CNTN2: variants seen among roughly 807,000 people sequenced by gnomAD.
The protein encoded by CNTN2 is contactin-2.
Under a neutral mutation model 117.5 loss-of-function variants are expected in CNTN2, and 53 were observed. The ratio of observed to expected loss-of-function variants is 0.45; its 90% CI spans 0.36 to 0.57. CNTN2 has a LOEUF of 0.57. Ranked by LOEUF, CNTN2 falls within the 20% of genes least tolerant of loss-of-function variation. The probability of loss-of-function intolerance (pLI) is 0.00; values close to 1 mark genes in which losing one functional copy is unlikely to be tolerated. For missense variants in CNTN2, 1,106 were observed against 1,404.3 expected, an observed-to-expected ratio of 0.79 and a Z score of 3.39; for synonymous variants, 530 against 561.7, an observed-to-expected ratio of 0.94 and a Z score of 0.80.
upstream of CNTN2, chr1:205,043,052 G>A (rs2096434587): frequency 2.0e-5 from 3 of 151,894 alleles, no homozygotes; most frequent in African/African-American, 7.3e-5. Flanking sequence ...GGTAAAGCCA[G>A]GAGGGTGGGG....
Position 205,073,262 on chromosome 1 carries a change from C to A in CNTN2, c.3013+26C>A. On this transcript the variant is annotated intron_variant, in intron 22 of 22. Transcript: ENST00000331830. The surrounding 1 kb of genome is among the most constrained non-coding windows in gnomAD (Gnocchi z 6.3). Reference sequence around the variant, plus strand: ...GTGCTGCTCCTCCCCTACCCTTATCCCCTCGAGAGATTCAGGATCCACCCA... The same window carrying A: ...GTGCTGCTCCTCCCCTACCCTTATCACCTCGAGAGATTCAGGATCCACCCA... 1 of 1,609,610 alleles carries A rather than the reference C, an allele frequency of 6.2e-7. No homozygotes were observed. The highest frequency in any genetic ancestry group is 8.5e-7 in the Non-Finnish European group (1 of 1,177,104).
intron 1 of CNTN2, among the ~76,000 whole-genome samples, chr1:205,045,100 C>T (rs1333559696): frequency 1.3e-5 from 2 of 152,070 alleles, no homozygotes; most frequent in African/African-American, 2.4e-5. Context: ...GTGCAGAGAC[C>T]ACTGTGCTCA....
In CNTN2 at chr1:205,067,250, G is replaced by A. The variant is rs774505256; in HGVS notation, c.2125G>A (p.Ala709Thr). 1 of 1,612,048 alleles carries A rather than the reference G, an allele frequency of 6.2e-7. No homozygotes were observed. The highest frequency in any genetic ancestry group is 1.3e-5 in the African/African-American group (1 of 74,984). Reference protein sequence around the residue: ...PSSKIRTREAAPSVAPSGLSG... With the variant: ...PSSKIRTREATPSVAPSGLSG... ...CAGCAAAATCCGGACCAGGGAAGCA[G>A]GTGAGAGTCCTGTGTGTCCCAAAAA... Residue 709 changes from alanine to threonine, a missense_variant and splice_region_variant, in exon 16 of 23, where the codon GCC becomes ACC. Transcript: ENST00000331830.
intron 1 of CNTN2, among the ~76,000 whole-genome samples, chr1:205,049,525 G>A (rs905017127): frequency 6.6e-6 from 1 of 152,146 alleles, no homozygotes; most frequent in Non-Finnish European, 1.5e-5. Flanking sequence ...CAACACTGCT[G>A]TGGGAGCTAG....
In CNTN2 at chr1:205,074,593, G is replaced by A; in HGVS notation, c.*828G>A. 2.5e-6 allele frequency: 1 copy of A among 398,828 alleles called. No individual in the cohort carries two copies. The highest frequency in any genetic ancestry group is 4.4e-6 in the Non-Finnish European group (1 of 226,122). 24.7% of individuals were successfully genotyped at this position (398,828 alleles called of 1,614,324 possible). A position where few individuals can be genotyped will look rare whatever the true frequency, so the allele number is the denominator to read the frequency against. Reference sequence around the variant, plus strand: ...AGGTGGCTGGGTGACTAAAGGGCTTGTCTTGGTGGGGTCTCCCACCCCTCC... The same window carrying A: ...AGGTGGCTGGGTGACTAAAGGGCTTATCTTGGTGGGGTCTCCCACCCCTCC... On this transcript the variant is annotated 3_prime_UTR_variant, in exon 23 of 23. Coordinates refer to ENST00000331830, the MANE Select transcript of CNTN2 (RefSeq NM_005076.5).
rs368353579 is a variant in CNTN2 at position 205,058,353 on chromosome 1, G to A, written c.388G>A (p.Gly130Ser). 206 of 1,526,836 alleles carry A rather than the reference G, an allele frequency of 1.3e-4. No individual in the cohort carries two copies. Among genetic ancestry groups the A allele is most frequent in the East Asian group, 3.4e-4 (15 of 44,028 alleles). The allele number at this position is 1,526,836 out of a possible 1,614,324, so 94.6% of individuals were successfully genotyped here. A position where few individuals can be genotyped will look rare whatever the true frequency, so the allele number is the denominator to read the frequency against. ...CAGCAGGGAGGCCATCCTCCGCTTCGGCTGTGAGACCCGCGGGGGACCAAG... is the reference window on the plus strand; with the variant it reads ...CAGCAGGGAGGCCATCCTCCGCTTCAGCTGTGAGACCCGCGGGGGACCAAG... Reference protein sequence around the residue: ...VVSREAILRFGFLQEFSKEER... With the variant: ...VVSREAILRFSFLQEFSKEER... Residue 130 changes from glycine to serine, a missense_variant, in exon 4 of 23, where the codon GGC (glycine) becomes AGC (serine). Transcript: ENST00000331830. This position sits in a 1 kb window ranked among gnomAD's most constrained non-coding sequence, Gnocchi z 4.3.
rs972363412 is a variant in CNTN2, at chr1:205,059,089, T to A, written c.493T>A (p.Ser165Thr). ...TCAAACTCCTCACATCCTAGGCTTG[T>A]CCTACCGCTGGCTCCTCAACGAGTT... Reference protein sequence around the residue: ...CNPPAHYPGLSYRWLLNEFPN... With the variant: ...CNPPAHYPGLTYRWLLNEFPN... The change falls in exon 6 of 23, where the codon TCC becomes ACC. Residue 165 changes from serine (S) to threonine (T), a missense_variant. By Grantham distance (58) the Ser-to-Thr change is moderately conservative (BLOSUM62 1). Coordinates refer to ENST00000331830, the MANE Select transcript of CNTN2 (RefSeq NM_005076.5). The surrounding 1 kb of genome is among the most constrained non-coding windows in gnomAD (Gnocchi z 5.6). The A allele has an allele frequency of 6.2e-7, 1 of 1,614,026 alleles. No individual in the cohort carries two copies. Among genetic ancestry groups the A allele is most frequent in the Non-Finnish European group, 8.5e-7 (1 of 1,180,022 alleles).
At chr1:205,070,236 G>A in intron 18 of CNTN2, 175 bp downstream of exon 18, 4 of 750,138 alleles carry the variant, frequency 5.3e-6, no homozygotes, top group South Asian at 1.8e-5. Flanking sequence ...GTCTCCCTTC[G>A]GGGTTAGGAA....
At chr1:205,052,574 A>G (rs1035913849) in intron 1 of CNTN2, among the ~76,000 whole-genome samples, 1 of 152,174 alleles carries the variant, frequency 6.6e-6, no homozygotes, top group African/African-American at 2.4e-5. Flanking sequence ...TGGACAAATC[A>G]GTGAGACCCC....
chr1:205,046,758 G>A (rs920652205), intron 1 of CNTN2, among the ~76,000 whole-genome samples: 5 of 152,094 alleles, frequency 3.3e-5, no homozygotes, highest in Admixed American at 6.5e-5. Context: ...TCTTACGCCT[G>A]GCATCTCAAA....
Position 205,053,253 on chromosome 1 carries a change from C to T in CNTN2, c.68C>T (p.Ser23Leu). 2 of 1,612,150 alleles carry T rather than the reference C, an allele frequency of 1.2e-6. No homozygotes were observed. The highest frequency in any genetic ancestry group is 1.7e-6 in the Non-Finnish European group (2 of 1,178,890). ...LVAAVALVSS[S>L]AWSSALGSQT... ...GCTGCTGTGGCCCTTGTCTCCTCTTCAGGTAAGAGGGCTCATCTGGGCTTT... is the reference window on the plus strand; with the variant it reads ...GCTGCTGTGGCCCTTGTCTCCTCTTTAGGTAAGAGGGCTCATCTGGGCTTT... Residue 23 changes from serine (S) to leucine (L), a missense_variant and splice_region_variant, in exon 2 of 23, where the codon TCA becomes TTA. Physicochemically the swap from Ser to Leu is moderately radical, Grantham distance 145 (BLOSUM62 -2). Coordinates refer to ENST00000331830, the MANE Select transcript of CNTN2 (RefSeq NM_005076.5).
Position 205,076,416 on chromosome 1 carries a change from T to C in CNTN2, c.*2651T>C, listed in dbSNP as rs1020306984. On this transcript the variant is annotated 3_prime_UTR_variant, in exon 23 of 23. Transcript: ENST00000331830. ...AGATTAGATGTTTCTCAGGATCCCC[T>C]CCTGCGCAGGGGTTCTCTGATTTTC... 1 of 152,168 alleles carries C rather than the reference T, an allele frequency of 6.6e-6. No homozygotes were observed. The allele number at this position is 152,168 out of a possible 1,614,324, so 9.4% of individuals were successfully genotyped here. A position where few individuals can be genotyped will look rare whatever the true frequency, so the allele number is the denominator to read the frequency against.
At position 205,066,445 on chromosome 1, in the gene CNTN2, G is replaced by T. The variant is rs200957843; in HGVS notation, c.1821G>T (p.Pro607=). The change falls in exon 15 of 23, where the codon CCG becomes CCT. Residue 607 remains proline, a synonymous_variant. Coordinates refer to ENST00000331830, the MANE Select transcript of CNTN2 (RefSeq NM_005076.5). The stretch of plus-strand genomic sequence containing the variant: ...TGCTCTGACCTCTTGGTGCAGGTCC[G>T]CCAGGTCCCCCAGGAGGTGTGGTGG... The part of the protein sequence containing the change: ...SKEATVLVRG[P]PGPPGGVVVR... 1 of 1,613,626 alleles carries T rather than the reference G, an allele frequency of 6.2e-7. No homozygotes were observed. The highest frequency in any genetic ancestry group is 8.5e-7 in the Non-Finnish European group (1 of 1,179,842).
Position 205,074,482 on chromosome 1 carries a change from C to A in CNTN2, c.*717C>A. On this transcript the variant is annotated 3_prime_UTR_variant, in exon 23 of 23. Coordinates refer to ENST00000331830, the MANE Select transcript of CNTN2 (RefSeq NM_005076.5). ...GGTGGAAAGGGGCACCAGCCTTGGT[C>A]TGAGATAGTCACAACCCAGGTGACG... is the stretch of plus-strand genomic sequence containing the variant. 1 of 398,386 alleles carries A rather than the reference C, an allele frequency of 2.5e-6. No individual in the cohort carries two copies. Among genetic ancestry groups the A allele is most frequent in the South Asian group, 1.4e-4 (1 of 7,066 alleles). The allele number at this position is 398,386 out of a possible 1,614,324, so 24.7% of individuals were successfully genotyped here. A position where few individuals can be genotyped will look rare whatever the true frequency, so the allele number is the denominator to read the frequency against.
At chr1:205,057,185 C>G (rs575136132) in intron 2 of CNTN2, 1 of 152,074 alleles carries the variant, frequency 6.6e-6, no homozygotes, top group South Asian at 2.1e-4. Flanking sequence ...GGGAGGTGAA[C>G]TCATATTCTT....
At position 205,072,133 on chromosome 1, in the gene CNTN2, C is replaced by T. The variant is rs1479712815; in HGVS notation, c.2731C>T (p.Pro911Ser). ...TGCCAACGCCACGACCATGAAGCCC[C>T]GTGAGTCTGTCTGCCTGGGGTGGGG... ...PSANATTMKP[P>S]PRRPPGNISW... The change falls in exon 20 of 23, where the codon CCT becomes TCT. Residue 911 changes from proline to serine, a missense_variant and splice_region_variant. Coordinates refer to ENST00000331830, the MANE Select transcript of CNTN2 (RefSeq NM_005076.5). 8 of 1,605,384 alleles carry T rather than the reference C, an allele frequency of 5.0e-6. No homozygotes were observed. Among genetic ancestry groups the T allele is most frequent in the East Asian group, 2.2e-5 (1 of 44,826 alleles).
chr1:205,069,594 C>G, intron 17 of CNTN2, 33 bp downstream of exon 17: 1 of 1,602,776 alleles, frequency 6.2e-7, no homozygotes, highest in Non-Finnish European at 8.5e-7. Flanking sequence ...CCTCCTCCTC[C>G]TCCCTGACCC....
Position 205,066,982 on chromosome 1 carries a change from T to C in CNTN2, c.1976-119T>C, listed in dbSNP as rs776973493. 1.3e-4 allele frequency: 158 copies of C among 1,263,296 alleles called. 1 individual carries two copies. Among genetic ancestry groups the C allele is most frequent in the Admixed American group, 2.2e-4 (9 of 40,748 alleles). 78.3% of individuals were successfully genotyped at this position (1,263,296 alleles called of 1,614,324 possible). ...TCTGAAAAAGGTACTGAGTGCTTAG[T>C]ATATGGCAAGTACCGAAGTGAGGGC... On this transcript the variant is annotated intron_variant, in intron 15 of 22. Transcript: ENST00000331830.
chr1:205,058,549 C>G lies in CNTN2; in HGVS notation c.392-19C>G. 1 of 1,611,004 alleles carries G rather than the reference C, an allele frequency of 6.2e-7. No individual in the cohort carries two copies. The highest frequency in any genetic ancestry group is 8.5e-7 in the Non-Finnish European group (1 of 1,177,856). ...CAGGCCAGGAGGACAGTGCCTGAGC[C>G]CCTGGTCTCTGCCTCCAGTTCTGCA... On this transcript the variant is annotated intron_variant, in intron 4 of 22. Transcript: ENST00000331830. This position sits in a 1 kb window ranked among gnomAD's most constrained non-coding sequence, Gnocchi z 4.3.
Sources: allele counts gnomAD v4.1 joint callset (sites outside exome capture counted in the v4.1 genomes callset), GRCh38; gene constraint gnomAD v4.1.1; non-coding constraint Gnocchi (gnomAD v3.1); transcripts MANE v1.5; gene names NCBI Gene and HGNC (gene_info 2026-07-23, HGNC 2026-07-21).